The following MACROD2 variants were observed in gnomAD, a reference collection of about 807,000 sequenced individuals.
MACROD2 encodes the protein ADP-ribose glycohydrolase MACROD2.
A neutral mutation model predicts 70.4 loss-of-function variants in MACROD2; 36 were observed. That is an observed-to-expected ratio of 0.51 (90% confidence interval 0.39 to 0.68). MACROD2 has a LOEUF of 0.68. Ranked by LOEUF, MACROD2 falls within the 30% of genes least tolerant of loss-of-function variation. MACROD2 has a pLI of 0.00. For missense variants in MACROD2, 496 were observed against 538.4 expected, an observed-to-expected ratio of 0.92 and a Z score of 0.78; for synonymous variants, 172 against 178.8, an observed-to-expected ratio of 0.96 and a Z score of 0.30.
intron 5 of MACROD2, among the ~76,000 whole-genome samples, chr20:15,061,582 T>C (rs1341236203): frequency 6.6e-6 from 1 of 152,196 alleles, no homozygotes; most frequent in African/African-American, 2.4e-5. Flanking sequence ...CATGTGAGTC[T>C]GTGTCTCCAA....
intron 15 of MACROD2, among the ~76,000 whole-genome samples, chr20:15,991,247 A>C (rs2066554725): frequency 6.6e-6 from 1 of 152,014 alleles, no homozygotes; most frequent in Non-Finnish European, 1.5e-5. Context: ...TTTTTTTGCA[A>C]CTCCTCTGGC....
At chr20:15,693,109 G>A (rs1672927657) in intron 8 of MACROD2, among the ~76,000 whole-genome samples, 2 of 152,106 alleles carry the variant, frequency 1.3e-5, no homozygotes, top group South Asian at 2.1e-4. Context: ...AGAAATGTGA[G>A]TCCATTAAAA....
At chr20:15,476,396 T>C (rs897091584) in intron 7 of MACROD2, among the ~76,000 whole-genome samples, 19 of 152,148 alleles carry the variant, frequency 1.2e-4, no homozygotes, top group African/African-American at 4.6e-4. Context: ...CTTCATAAAG[T>C]TGGAATCTTC....
intron 9 of MACROD2, among the ~76,000 whole-genome samples, chr20:15,870,569 G>T (rs1490716766): frequency 2.0e-5 from 3 of 152,012 alleles, no homozygotes; most frequent in South Asian, 2.1e-4. Context: ...ATTATAAAAG[G>T]GTGAGTTCAG....
Position 15,484,118 on chromosome 20 carries a change from T to C in MACROD2, c.572-15656T>C, listed in dbSNP as rs149601020. On this transcript the variant is annotated intron_variant, in intron 7 of 17. Coordinates refer to ENST00000684519, the MANE Select transcript of MACROD2 (RefSeq NM_001351661.2). ...CTTGCTGCTTTATCTAGGACCTCCATTGTGATGCTGTTAAGTTCCTGGTCT... is the reference window on the plus strand; with the variant it reads ...CTTGCTGCTTTATCTAGGACCTCCACTGTGATGCTGTTAAGTTCCTGGTCT... Among the ~76,000 whole-genome samples, 397 of 151,812 alleles carry C rather than the reference T, an allele frequency of 2.6e-3. 3 individuals are homozygous for C. The highest frequency in any genetic ancestry group is 8.8e-3 in the African/African-American group (364 of 41,418).
At chr20:15,883,893 A>G (rs770886795) in intron 9 of MACROD2, among the ~76,000 whole-genome samples, 5 of 152,148 alleles carry the variant, frequency 3.3e-5, no homozygotes, top group Admixed American at 6.6e-5. Flanking sequence ...CTGGAGACCG[A>G]TGTTTGAAAG....
At chr20:15,329,148 T>A (rs1490982459) in intron 6 of MACROD2, among the ~76,000 whole-genome samples, 1 of 152,100 alleles carries the variant, frequency 6.6e-6, no homozygotes, top group African/African-American at 2.4e-5. Flanking sequence ...AATATTCTTC[T>A]TTATGTTCCT....
chr20:15,608,922 T>A (rs1184525980), intron 8 of MACROD2, among the ~76,000 whole-genome samples: 1 of 152,198 alleles, frequency 6.6e-6, no homozygotes, highest in African/African-American at 2.4e-5. Flanking sequence ...TTGCTGCCCC[T>A]CTAAATGTCT....
At chr20:15,821,700 A>G (rs964408422) in intron 8 of MACROD2, among the ~76,000 whole-genome samples, 4 of 152,210 alleles carry the variant, frequency 2.6e-5, no homozygotes, top group Non-Finnish European at 2.9e-5. Context: ...ACAATACAGT[A>G]TAACAACTAT....
intron 5 of MACROD2, among the ~76,000 whole-genome samples, chr20:14,781,489 A>G (rs2072300243): frequency 6.9e-6 from 1 of 144,618 alleles, no homozygotes; most frequent in Non-Finnish European, 1.5e-5. Context: ...CTAGTGTGCT[A>G]TGGACCATAT....
At chr20:15,151,169 T>C (rs941690058) in intron 5 of MACROD2, among the ~76,000 whole-genome samples, 3 of 151,782 alleles carry the variant, frequency 2.0e-5, no homozygotes, top group African/African-American at 7.3e-5. Context: ...GCTCTGGGAG[T>C]GGCTGCCAGG....
intron 5 of MACROD2, among the ~76,000 whole-genome samples, chr20:14,955,867 G>C (rs998568443): frequency 6.6e-6 from 1 of 152,104 alleles, no homozygotes; most frequent in African/African-American, 2.4e-5. Context: ...GGAATGTCAG[G>C]GAAGGAGAAG....
intron 3 of MACROD2, among the ~76,000 whole-genome samples, chr20:14,198,413 A>G (rs1185112731): frequency 6.6e-6 from 1 of 152,234 alleles, no homozygotes; most frequent in East Asian, 1.9e-4. Flanking sequence ...AAGTTGATGT[A>G]TCAATTATAT....
intron 6 of MACROD2, among the ~76,000 whole-genome samples, chr20:15,302,387 C>CACACACACACGACAT (rs6147301): frequency 0.047 from 7,039 of 150,272 alleles, 539 homozygotes; most frequent in African/African-American, 0.16. Context: ...CACACATACA[C>CACACACACACGACAT]ACATACAGAT....
chr20:14,604,683 A>T (rs533430128), intron 4 of MACROD2, among the ~76,000 whole-genome samples: 1 of 152,270 alleles, frequency 6.6e-6, no homozygotes, highest in South Asian at 2.1e-4. Context: ...GATTTGGAAG[A>T]GGTCATCTTT....
At chr20:14,497,604 G>T (rs138150169) in intron 4 of MACROD2, among the ~76,000 whole-genome samples, 2,227 of 151,690 alleles carry the variant, frequency 0.015, 29 homozygotes, top group Non-Finnish European at 0.023. Flanking sequence ...ACCCAAGCAG[G>T]ATGTTGTTTA....
chr20:14,927,753 A>T (rs1259166207), intron 5 of MACROD2, among the ~76,000 whole-genome samples: 1 of 152,186 alleles, frequency 6.6e-6, no homozygotes, highest in Non-Finnish European at 1.5e-5. Context: ...AATTGAACTG[A>T]AAGATGTTAC....
At chr20:15,684,403 G>A (rs1034260363) in intron 8 of MACROD2, among the ~76,000 whole-genome samples, 3 of 152,232 alleles carry the variant, frequency 2.0e-5, no homozygotes, top group African/African-American at 4.8e-5. Context: ...TTCAAATTGT[G>A]AGGGAGATAT....
At chr20:14,107,357 C>T (rs527960140) in intron 3 of MACROD2, among the ~76,000 whole-genome samples, 14 of 151,388 alleles carry the variant, frequency 9.2e-5, no homozygotes, top group African/African-American at 3.4e-4. Flanking sequence ...TCAGAAGAAA[C>T]AAAAGAAAAA....
Sources: allele counts gnomAD v4.1 joint callset (sites outside exome capture counted in the v4.1 genomes callset), GRCh38; gene constraint gnomAD v4.1.1; transcripts MANE v1.5; gene names NCBI Gene and HGNC (gene_info 2026-07-23, HGNC 2026-07-21).